Variants in ERC1 observed in about 807,000 individuals in gnomAD.
ERC1 encodes the protein RAB6 interacting protein 2.
A neutral mutation model predicts 132.0 loss-of-function variants in ERC1; 56 were observed. The observed-to-expected ratio is 0.42, with a 90% CI of 0.34 to 0.53. The LOEUF (loss-of-function observed/expected upper bound fraction) is 0.53. Ranked by LOEUF, ERC1 falls within the 20% of genes least tolerant of loss-of-function variation. ERC1 has a pLI of 0.03. For synonymous variants in ERC1, 478 were observed against 476.1 expected (o/e 1.00, Z -0.05); for missense variants, 1,202 against 1,349.9 (o/e 0.89, Z 1.72).
At position 1,481,233 on chromosome 12, in the gene ERC1, G is replaced by GT. The variant is rs1239212769; in HGVS notation, c.3214-8859dup. ...AAACCATGGACAAGGGGGCGCCGCC[G>GT]TATTTTAGTATAAGGAGGTTGTGAA... On this transcript the variant is annotated intron_variant, in intron 18 of 18. Coordinates refer to ENST00000360905, the MANE Select transcript of ERC1 (RefSeq NM_178040.4). 2.0e-5 allele frequency among the ~76,000 whole-genome samples: 3 copies of GT among 152,178 alleles called. 1 individual carries two copies. Among genetic ancestry groups the GT allele is most frequent in the Admixed American group, 2.0e-4 (3 of 15,312 alleles).
chr12:1,041,007 C>T (rs559808839), intron 2 of ERC1, among the ~76,000 whole-genome samples: 14 of 152,148 alleles, frequency 9.2e-5, no homozygotes, highest in African/African-American at 3.4e-4. Context: ...AACTTGTTGG[C>T]CACAGGACCT....
intron 13 of ERC1, among the ~76,000 whole-genome samples, chr12:1,254,816 A>G (rs2076686565): frequency 6.6e-6 from 1 of 152,212 alleles, no homozygotes; most frequent in Non-Finnish European, 1.5e-5. Context: ...GACAAATAAT[A>G]ATCGTACGTA....
At chr12:1,184,355 A>G (rs529404033) in intron 11 of ERC1, among the ~76,000 whole-genome samples, 2 of 152,160 alleles carry the variant, frequency 1.3e-5, no homozygotes, top group South Asian at 4.1e-4. Flanking sequence ...TCTCTTAGCA[A>G]CTTATTGGGC....
At chr12:1,179,799 G>C (rs74623102) in intron 8 of ERC1, among the ~76,000 whole-genome samples, 4,455 of 143,174 alleles carry the variant, frequency 0.031, 94 homozygotes, top group Non-Finnish European at 0.051. Flanking sequence ...GAGCCACCGC[G>C]CCCGGCCTCA....
intron 13 of ERC1, chr12:1,244,715 CG>C: frequency 2.8e-6 from 1 of 359,370 alleles, no homozygotes; most frequent in East Asian, 7.9e-5. Flanking sequence ...TTATTAGAGA[CG>C]GGGTTTCACC....
intron 6 of ERC1, among the ~76,000 whole-genome samples, chr12:1,113,935 A>G (rs1172603870): frequency 6.6e-6 from 1 of 152,174 alleles, no homozygotes; most frequent in Non-Finnish European, 1.5e-5. Flanking sequence ...TAAGCTTTGT[A>G]TTATATTTGC....
At chr12:1,424,852 AGATAGATAGATC>A (rs1181011054) in intron 17 of ERC1, among the ~76,000 whole-genome samples, 1,669 of 122,786 alleles carry the variant, frequency 0.014, 15 homozygotes, top group African/African-American at 0.028. Context: ...GATGATAGAT[AGATAGATAGATC>A]GATAGATAGA....
In ERC1 at chr12:1,495,352, G is replaced by C. The variant is rs1421537748; in HGVS notation, c.*5122G>C. 1.8e-5 allele frequency: 4 copies of C among 227,704 alleles called. No homozygotes were observed. The highest frequency in any genetic ancestry group is 1.7e-4 in the Admixed American group (3 of 17,574). The allele number at this position is 227,704 out of a possible 1,614,324, so 14.1% of individuals were successfully genotyped here. A position where few individuals can be genotyped will look rare whatever the true frequency, so the allele number is the denominator to read the frequency against. ...TCCCTTTGAGCTTTTTTAGACCCTA[G>C]ATCTCCTAGGCCCAGGCTCTCTCTT... On this transcript the variant is annotated 3_prime_UTR_variant, in exon 19 of 19. Coordinates refer to ENST00000360905, the MANE Select transcript of ERC1 (RefSeq NM_178040.4).
chr12:1,231,005 A>T (rs764008243), intron 12 of ERC1, among the ~76,000 whole-genome samples: 1 of 152,212 alleles, frequency 6.6e-6, no homozygotes, highest in Non-Finnish European at 1.5e-5. Flanking sequence ...TACTTAAAAA[A>T]GTCTGTTAGC....
intron 1 of ERC1, among the ~76,000 whole-genome samples, chr12:994,932 T>C (rs190872024): frequency 1.3e-5 from 2 of 152,222 alleles, no homozygotes; most frequent in East Asian, 3.9e-4. Flanking sequence ...CCGTCTCTAC[T>C]GAAAATACAA....
At chr12:1,348,554 G>A (rs996421761) in intron 15 of ERC1, among the ~76,000 whole-genome samples, 4 of 152,100 alleles carry the variant, frequency 2.6e-5, no homozygotes, top group East Asian at 1.9e-4. Context: ...TTAGCTGGGC[G>A]TGGTGGCAGG....
chr12:1,281,617 A>AT (rs1265087802), intron 14 of ERC1, among the ~76,000 whole-genome samples: 4 of 152,152 alleles, frequency 2.6e-5, no homozygotes, highest in African/African-American at 9.7e-5. Flanking sequence ...TAGATCATTA[A>AT]TTTTTTGTGT....
At chr12:1,334,844 A>G (rs2083178900) in intron 15 of ERC1, among the ~76,000 whole-genome samples, 1 of 152,170 alleles carries the variant, frequency 6.6e-6, no homozygotes, top group South Asian at 2.1e-4. Context: ...AACGATATTG[A>G]TTCTTCCTAT....
chr12:1,344,289 G>A (rs956028768), intron 15 of ERC1, among the ~76,000 whole-genome samples: 18 of 152,068 alleles, frequency 1.2e-4, no homozygotes, highest in African/African-American at 3.6e-4. Context: ...GTTCTGTGGC[G>A]GTGGCTTTTC....
chr12:1,276,025 C>T (rs2078236850), intron 14 of ERC1, among the ~76,000 whole-genome samples: 1 of 152,018 alleles, frequency 6.6e-6, no homozygotes. Context: ...TTTTCTAGGT[C>T]GAAAACAAGT....
rs1282421851 is a variant in ERC1 at position 1,494,190 on chromosome 12, TC to T, written c.*3962del. On this transcript the variant is annotated 3_prime_UTR_variant, in exon 19 of 19. Transcript: ENST00000360905. ...AGTAATTTAACATCTGCTCCTGGCCTCCTCTTCACCTGCCTGGGTTCGGAAC... is the reference window on the plus strand; with the variant it reads ...AGTAATTTAACATCTGCTCCTGGCCTCTCTTCACCTGCCTGGGTTCGGAAC... 1 of 232,152 alleles carries T rather than the reference TC, an allele frequency of 4.3e-6. No individual in the cohort carries two copies. Among genetic ancestry groups the T allele is most frequent in the Admixed American group, 5.6e-5 (1 of 17,748 alleles). 14.4% of individuals were successfully genotyped at this position (232,152 alleles called of 1,614,324 possible).
At chr12:1,308,887 T>G (rs1354171429) in intron 15 of ERC1, among the ~76,000 whole-genome samples, 2 of 152,154 alleles carry the variant, frequency 1.3e-5, no homozygotes, top group African/African-American at 4.8e-5. Flanking sequence ...GGTGATCATA[T>G]TAGGAGGTGT....
intron 2 of ERC1, among the ~76,000 whole-genome samples, chr12:1,080,779 T>C (rs557659634): frequency 1.2e-4 from 18 of 152,272 alleles, no homozygotes; most frequent in African/African-American, 2.6e-4. Context: ...GTAAGTCCAA[T>C]TAAACAAGTG....
Position 1,490,206 on chromosome 12 carries a change from C to G in ERC1, c.3327C>G (p.Val1109=). 9 of 1,614,142 alleles carry G rather than the reference C, an allele frequency of 5.6e-6. No homozygotes were observed. Among genetic ancestry groups the G allele is most frequent in the Non-Finnish European group, 6.8e-6 (8 of 1,180,020 alleles). ...GTCCCGACATCCTAGAGCAAGTGGT[C>G]AACGCCCTGGAAGAGTCCTCTTGAC... ...DHCPDILEQV[V]NALEESS Residue 1109 remains valine (V), a synonymous_variant, in exon 19 of 19, where the codon GTC becomes GTG. Coordinates refer to ENST00000360905, the MANE Select transcript of ERC1 (RefSeq NM_178040.4).
Sources: allele counts gnomAD v4.1 joint callset (sites outside exome capture counted in the v4.1 genomes callset), GRCh38; gene constraint gnomAD v4.1.1; transcripts MANE v1.5; gene names NCBI Gene and HGNC (gene_info 2026-07-23, HGNC 2026-07-21).